Variants in DPH6 observed in about 807,000 individuals in gnomAD.
DPH6 encodes the protein diphthamine biosynthesis 6, also known as diphthine--ammonia ligase.
In DPH6, 33 loss-of-function variants were observed where a neutral mutation model predicts 38.2. The ratio of observed to expected loss-of-function variants is 0.86; its 90% confidence interval spans 0.65 to 1.15. The LOEUF is 1.15. DPH6 is among the 50% of genes most tolerant of loss of function. The pLI, the probability that DPH6 is intolerant of heterozygous loss-of-function variation, is 0.00. For missense variants in DPH6, 325 were observed against 320.0 expected, an observed-to-expected ratio of 1.02 and a Z score of -0.12; for synonymous variants, 108 against 103.0, an observed-to-expected ratio of 1.05 and a Z score of -0.30.
At chr15:35,459,616 G>T (rs1044598188) in intron 3 of DPH6, among the ~76,000 whole-genome samples, 1 of 152,060 alleles carries the variant, frequency 6.6e-6, no homozygotes, top group African/African-American at 2.4e-5. Flanking sequence ...TTGAAGCCAC[G>T]GGAGCAAACA....
intron 3 of DPH6, among the ~76,000 whole-genome samples, chr15:35,360,606 T>C (rs1595500128): frequency 1.3e-5 from 2 of 152,148 alleles, no homozygotes; most frequent in Admixed American, 6.5e-5. Flanking sequence ...CCCCAGGCCA[T>C]AGCAGAGTGG....
chr15:35,312,083 T>C (rs1045123280), intron 3 of DPH6, among the ~76,000 whole-genome samples: 6 of 150,482 alleles, frequency 4.0e-5, no homozygotes, highest in Non-Finnish European at 5.9e-5. Flanking sequence ...GAAAACAGAC[T>C]ATATGAAGAA....
At chr15:35,196,612 A>C in the DPH6 span, among the ~76,000 whole-genome samples, 65 of 152,214 alleles carry the variant, frequency 4.3e-4, no homozygotes, top group African/African-American at 1.5e-3. Context: ...TTTGATTCTG[A>C]AATTTGATGG....
At chr15:35,437,344 G>C (rs542833319) in intron 5 of DPH6, among the ~76,000 whole-genome samples, 18 of 152,220 alleles carry the variant, frequency 1.2e-4, no homozygotes, top group Non-Finnish European at 2.1e-4. Flanking sequence ...TTTCTTCACA[G>C]ATGAGTAATT....
At chr15:35,209,968 G>A in the DPH6 span, among the ~76,000 whole-genome samples, 1 of 152,196 alleles carries the variant, frequency 6.6e-6, no homozygotes, top group Non-Finnish European at 1.5e-5. Flanking sequence ...CCAGAGCAGT[G>A]GCAGTGAGCT....
At chr15:35,264,800 A>T (rs1411204699) in intron 3 of DPH6, among the ~76,000 whole-genome samples, 1 of 152,230 alleles carries the variant, frequency 6.6e-6, no homozygotes, top group Non-Finnish European at 1.5e-5. Context: ...TAGAACTATA[A>T]TTGAATTCCC....
intron 3 of DPH6, among the ~76,000 whole-genome samples, chr15:35,530,369 T>A (rs888204692): frequency 6.6e-6 from 1 of 151,972 alleles, no homozygotes; most frequent in Non-Finnish European, 1.5e-5. Context: ...CACTAGAGAT[T>A]GAAAATATAA....
chr15:35,296,481 T>C (rs2052015744), intron 3 of DPH6, among the ~76,000 whole-genome samples: 2 of 152,206 alleles, frequency 1.3e-5, no homozygotes, highest in Admixed American at 6.5e-5. Flanking sequence ...CACGTCCTTC[T>C]TTATCTGGCT....
At chr15:35,264,123 A>G (rs954787297) in intron 3 of DPH6, among the ~76,000 whole-genome samples, 16 of 152,082 alleles carry the variant, frequency 1.1e-4, no homozygotes, top group African/African-American at 3.1e-4. Flanking sequence ...AAAGATTAAA[A>G]AAAAAGGACA....
intron 3 of DPH6, chr15:35,521,803 A>G (rs763917463): frequency 1.7e-5 from 21 of 1,241,962 alleles, no homozygotes; most frequent in Admixed American, 1.2e-4. Context: ...ATTTTACTTA[A>G]CTACATTGGA....
rs372406775 is a variant in DPH6, at chr15:35,448,984, A to ATTTTT, written c.505+1696_505+1700dup. ...CCCCACAGAAAGGTCTTATTGTCTCATTTTTTTTTTTTTTGCTTAAATCCA... is the reference window on the plus strand; with the variant it reads ...CCCCACAGAAAGGTCTTATTGTCTCATTTTTTTTTTTTTTTTTTTGCTTAAATCCA... On this transcript the variant is annotated intron_variant, in intron 5 of 8. Transcript: ENST00000256538. 9.1e-3 allele frequency among the ~76,000 whole-genome samples: 1,240 copies of ATTTTT among 136,544 alleles called. 16 individuals carry two copies. The highest frequency in any genetic ancestry group is 0.013 in the Non-Finnish European group (807 of 64,048). 89.6% of individuals were successfully genotyped at this position (136,544 alleles called of 152,430 possible). A position where few individuals can be genotyped will look rare whatever the true frequency, so the allele number is the denominator to read the frequency against.
At chr15:35,344,155 A>C (rs1277701656) in intron 3 of DPH6, among the ~76,000 whole-genome samples, 2 of 152,018 alleles carry the variant, frequency 1.3e-5, no homozygotes, top group Non-Finnish European at 2.9e-5. Flanking sequence ...TCAGAAGTTT[A>C]TGATTACCAC....
chr15:35,438,366 C>G (rs2053744118), intron 5 of DPH6, among the ~76,000 whole-genome samples: 1 of 152,054 alleles, frequency 6.6e-6, no homozygotes, highest in Non-Finnish European at 1.5e-5. Context: ...CAAGCGATGG[C>G]CTGTGATTAC....
intron 5 of DPH6, among the ~76,000 whole-genome samples, chr15:35,444,799 T>C (rs1348065683): frequency 6.6e-6 from 1 of 152,156 alleles, no homozygotes; most frequent in Non-Finnish European, 1.5e-5. Flanking sequence ...GTGTCTCTAT[T>C]TGGATTAGCA....
At chr15:35,215,006 T>G (rs1399417821), downstream of DPH6, among the ~76,000 whole-genome samples, 2 of 152,228 alleles carry the variant, frequency 1.3e-5, no homozygotes, top group African/African-American at 4.8e-5. Flanking sequence ...AAAGTCAGAT[T>G]AGGCCAGCCC....
chr15:35,445,021 T>C (rs1194774237), intron 5 of DPH6, among the ~76,000 whole-genome samples: 1 of 152,180 alleles, frequency 6.6e-6, no homozygotes, highest in Non-Finnish European at 1.5e-5. Flanking sequence ...CAAAAAAGTA[T>C]CATGAGATTG....
chr15:35,296,616 C>T (rs1017458840), intron 3 of DPH6, among the ~76,000 whole-genome samples: 4 of 152,198 alleles, frequency 2.6e-5, no homozygotes, highest in African/African-American at 9.7e-5. Context: ...TGCCACTATT[C>T]AAGCTCCTGA....
chr15:35,310,503 C>T (rs547643873), intron 3 of DPH6, among the ~76,000 whole-genome samples: 1 of 152,182 alleles, frequency 6.6e-6, no homozygotes, highest in East Asian at 1.9e-4. Context: ...TACAAAACTA[C>T]ATTGCAATTA....
chr15:35,362,427 T>C (rs2052621793), intron 3 of DPH6, among the ~76,000 whole-genome samples: 1 of 152,180 alleles, frequency 6.6e-6, no homozygotes, highest in Non-Finnish European at 1.5e-5. Context: ...ACTGGACACA[T>C]GTTCTGCCCT....
Sources: gnomAD v4.1 joint callset for allele counts (sites outside exome capture counted in the v4.1 genomes callset) on GRCh38, gnomAD v4.1.1 for gene constraint, MANE v1.5 for transcripts, NCBI Gene and HGNC (gene_info 2026-07-23, HGNC 2026-07-21) for gene names.